Variants in STPG4 observed in about 807,000 individuals in gnomAD.
STPG4 encodes sperm-tail PG-rich repeat containing 4.
Under a neutral mutation model 31.5 loss-of-function variants are expected in STPG4, and 41 were observed. The ratio of observed to expected loss-of-function variants is 1.30; its 90% CI spans 1.01 to 1.69. The LOEUF (loss-of-function observed/expected upper bound fraction) is 1.69. Among genes scored for constraint, STPG4 ranks in the 40% most tolerant of loss-of-function variants. The pLI is 0.00. For missense variants in STPG4, 375 were observed against 293.4 expected, an observed-to-expected ratio of 1.28 and a Z score of -2.03; for synonymous variants, 141 against 103.0, an observed-to-expected ratio of 1.37 and a Z score of -2.24.
intron 5 of STPG4, among the ~76,000 whole-genome samples, chr2:47,125,530 C>T (rs1253887908): frequency 2.0e-5 from 3 of 152,122 alleles, no homozygotes; most frequent in African/African-American, 4.8e-5. Context: ...TTATGTGGGT[C>T]GTCTCTTCAC....
chr2:47,129,663 A>G, intron 5 of STPG4: 1 of 317,128 alleles, frequency 3.2e-6, no homozygotes. Flanking sequence ...GGGATGGGGG[A>G]GGGTAGTGTC....
chr2:47,089,477 C>T (rs1010633439), intron 6 of STPG4, among the ~76,000 whole-genome samples: 3 of 152,220 alleles, frequency 2.0e-5, no homozygotes, highest in African/African-American at 7.2e-5. Context: ...GCTCCAACTT[C>T]TCCTTCTAGC....
At chr2:47,137,371 T>C (rs1403689473) in intron 3 of STPG4, among the ~76,000 whole-genome samples, 2 of 152,234 alleles carry the variant, frequency 1.3e-5, no homozygotes, top group East Asian at 1.9e-4. Context: ...ATTGTTAGAC[T>C]TAATTTGCTA....
intron 5 of STPG4, among the ~76,000 whole-genome samples, chr2:47,121,846 TCGTGTGTGTG>T (rs1361258672): frequency 1.3e-5 from 1 of 75,528 alleles, no homozygotes; most frequent in Admixed American, 1.8e-4. Context: ...TGCCCTCTCC[TCGTGTGTGTG>T]TGTGTGTGTG....
rs1036946150 is a variant in STPG4 at position 47,136,337 on chromosome 2, G to A, written c.400-6077C>T. ...ATTTTTTGTATTTTTCAGTAGAGACGGGGTTTCACTATGTTGGCCAGGCTG... is the reference window on the plus strand; with the variant it reads ...ATTTTTTGTATTTTTCAGTAGAGACAGGGTTTCACTATGTTGGCCAGGCTG... On this transcript the variant is annotated intron_variant, in intron 3 of 6. Coordinates refer to ENST00000445927, the MANE Select transcript of STPG4 (RefSeq NM_001163561.2). 8.6e-5 allele frequency among the ~76,000 whole-genome samples: 13 copies of A among 152,004 alleles called. 1 individual carries two copies. Among genetic ancestry groups the A allele is most frequent in the Non-Finnish European group, 1.3e-4 (9 of 67,994 alleles).
chr2:47,133,713 G>A (rs540184304), intron 3 of STPG4, among the ~76,000 whole-genome samples: 70 of 151,436 alleles, frequency 4.6e-4, no homozygotes, highest in African/African-American at 1.6e-3. Context: ...GAGTAGCTGG[G>A]ATTACAGGCA....
intron 3 of STPG4, among the ~76,000 whole-genome samples, chr2:47,131,311 G>A (rs981524857): frequency 6.6e-6 from 1 of 151,862 alleles, no homozygotes; most frequent in Non-Finnish European, 1.5e-5. Context: ...GGTCTTAATA[G>A]AGACAAACTC....
At chr2:47,106,523 T>C (rs778523155) in intron 5 of STPG4, among the ~76,000 whole-genome samples, 1 of 151,928 alleles carries the variant, frequency 6.6e-6, no homozygotes, top group Non-Finnish European at 1.5e-5. Context: ...AAATCTATCC[T>C]TACTTTACAA....
At chr2:47,133,045 A>G (rs553007492) in intron 3 of STPG4, among the ~76,000 whole-genome samples, 1 of 152,306 alleles carries the variant, frequency 6.6e-6, no homozygotes, top group African/African-American at 2.4e-5. Flanking sequence ...AAAGTGTTGA[A>G]TAGTCAGCTG....
intron 6 of STPG4, 100 bp from the exon 7 acceptor site, chr2:47,087,230 C>G: frequency 7.1e-7 from 1 of 1,398,628 alleles, no homozygotes; most frequent in South Asian, 1.3e-5. Flanking sequence ...GACAAATTCC[C>G]CAAGGATGAA....
chr2:47,102,130 C>T lies in STPG4; in HGVS notation c.520-11756G>A, dbSNP rs189028255. ...GCTGCGTCGGTGAGCCCAACTATTC[C>T]GATCAGCAGGGTCCGGGGACCGTTG... On this transcript the variant is annotated intron_variant, in intron 5 of 6. Transcript: ENST00000445927. Among the ~76,000 whole-genome samples, 84 of 151,566 alleles carry T rather than the reference C, an allele frequency of 5.5e-4. 1 individual carries two copies. The highest frequency in any genetic ancestry group is 4.6e-4 in the African/African-American group (19 of 40,992).
rs1050624433 is a variant in STPG4, at chr2:47,087,063, T to G, written c.692A>C (p.Lys231Thr). ...GAAAAGGCTATGCTCTTGGCCCATTTTGGCTATGGTCGGAGACTGCTTAGG... is the reference window on the plus strand; with the variant it reads ...GAAAAGGCTATGCTCTTGGCCCATTGTGGCTATGGTCGGAGACTGCTTAGG... ...QFPKQSPTIA[K>T]MGQEHSLFFN... The change falls in exon 7 of 7, where the codon AAA becomes ACA. Residue 231 changes from lysine to threonine, a missense_variant. Physicochemically the swap from Lys to Thr is moderately conservative, Grantham distance 78. Transcript: ENST00000445927. 2 of 1,551,822 alleles carry G rather than the reference T, an allele frequency of 1.3e-6. No individual in the cohort carries two copies. The highest frequency in any genetic ancestry group is 3.9e-5 in the Admixed American group (2 of 51,018).
At chr2:47,137,639 C>T (rs1314919066) in intron 3 of STPG4, among the ~76,000 whole-genome samples, 1 of 152,144 alleles carries the variant, frequency 6.6e-6, no homozygotes, top group Non-Finnish European at 1.5e-5. Flanking sequence ...AAGTTATAAT[C>T]ACTGATTCAA....
At chr2:47,106,177 C>T (rs1342224089) in intron 5 of STPG4, among the ~76,000 whole-genome samples, 1 of 151,918 alleles carries the variant, frequency 6.6e-6, no homozygotes, top group Non-Finnish European at 1.5e-5. Flanking sequence ...CACTGTATCC[C>T]ATTCCTTTAA....
chr2:47,131,559 G>A (rs1686484785), intron 3 of STPG4, among the ~76,000 whole-genome samples: 1 of 152,210 alleles, frequency 6.6e-6, no homozygotes, highest in East Asian at 1.9e-4. Flanking sequence ...ACCAGCAGGA[G>A]TGAGAGGCAC....
rs1298961374 is a variant in STPG4 at position 47,109,570 on chromosome 2, A to T, written c.520-19196T>A. 2.6e-5 allele frequency among the ~76,000 whole-genome samples: 4 copies of T among 152,152 alleles called. No individual in the cohort carries two copies. The East Asian group carries it at 7.7e-4, about 29-fold the overall frequency. On this transcript the variant is annotated intron_variant, in intron 5 of 6. Transcript: ENST00000445927. ...ACTATGTATCAGAAAAAAAAAAAAA[A>T]AAAAAATTCTAGCACATCTATAAGC...
intron 5 of STPG4, among the ~76,000 whole-genome samples, chr2:47,096,129 G>A (rs569254839): frequency 9.9e-5 from 15 of 152,252 alleles, no homozygotes; most frequent in Admixed American, 9.2e-4. Flanking sequence ...AGTCCTCATC[G>A]ACCAAGTAGG....
At chr2:47,152,870 T>C in intron 2 of STPG4, 87 bp downstream of exon 2, 1 of 938,696 alleles carries the variant, frequency 1.1e-6, no homozygotes, top group Non-Finnish European at 1.6e-6. Context: ...TTCTTACAAT[T>C]TAGTGTTAGT....
Position 47,151,316 on chromosome 2 carries a change from G to A in STPG4, c.341C>T (p.Thr114Ile), listed in dbSNP as rs760413857. 3 of 1,614,214 alleles carry A rather than the reference G, an allele frequency of 1.9e-6. No homozygotes were observed. In the South Asian group the frequency reaches 3.3e-5, roughly 18 times the overall value. Residue 114 changes from threonine to isoleucine, a missense_variant, in exon 3 of 7, where the codon ACT becomes ATT. Transcript: ENST00000445927. The part of the protein sequence containing the change: ...FLDLLKKQVA[T>I]YSFKDKPRPS... The stretch of plus-strand genomic sequence containing the variant: ...CCGTGGTTTGTCTTTGAATGAGTAA[G>A]TAGCCACTTGCTTCTTTAACAGGTC...
Sources: allele counts gnomAD v4.1 joint callset (sites outside exome capture counted in the v4.1 genomes callset), GRCh38; gene constraint gnomAD v4.1.1; transcripts MANE v1.5; gene names NCBI Gene and HGNC (gene_info 2026-07-23, HGNC 2026-07-21).